LRP1B: variants seen among roughly 807,000 people sequenced by gnomAD.
LRP1B encodes the protein LDL receptor related protein 1B, also known as low-density lipoprotein receptor-related protein 1B.
A neutral mutation model predicts 556.6 loss-of-function variants in LRP1B; 217 were observed. That is an observed-to-expected ratio of 0.39 (90% CI 0.35 to 0.44). LRP1B has a LOEUF of 0.44. Ranked by LOEUF, LRP1B falls within the 20% of genes least tolerant of loss-of-function variation. The pLI, the probability that LRP1B is intolerant of heterozygous loss-of-function variation, is 1.00. For synonymous variants in LRP1B, 2,047 were observed against 1,865.8 expected (o/e 1.10, Z -2.50); for missense variants, 5,053 against 5,620.8 (o/e 0.90, Z 3.23).
At chr2:141,762,267 G>A (rs1275294295) in intron 2 of LRP1B, among the ~76,000 whole-genome samples, 2 of 151,678 alleles carry the variant, frequency 1.3e-5, no homozygotes, top group African/African-American at 4.8e-5. Flanking sequence ...ACCATAGGGA[G>A]CAGGGAAAAA....
At chr2:142,031,334 T>TTTTTTTTTTA (rs1553506175) in intron 1 of LRP1B, among the ~76,000 whole-genome samples, 2 of 121,594 alleles carry the variant, frequency 1.6e-5, no homozygotes, top group Non-Finnish European at 3.5e-5. Flanking sequence ...ATACTTATTT[T>TTTTTTTTTTA]TTTTTTTTTT....
chr2:140,726,527 G>A (rs575093870), intron 35 of LRP1B, among the ~76,000 whole-genome samples: 24 of 152,254 alleles, frequency 1.6e-4, no homozygotes, highest in East Asian at 1.4e-3. Flanking sequence ...ATTGAAAAAT[G>A]TGGGAGTGAT....
chr2:141,108,092 A>G (rs1700652903), intron 7 of LRP1B, among the ~76,000 whole-genome samples: 2 of 152,096 alleles, frequency 1.3e-5, no homozygotes, highest in South Asian at 4.1e-4. Context: ...GAAAGCTAGC[A>G]TTGATATTTA....
intron 7 of LRP1B, among the ~76,000 whole-genome samples, chr2:141,083,540 C>T (rs1372043317): frequency 6.6e-6 from 1 of 152,172 alleles, no homozygotes; most frequent in Non-Finnish European, 1.5e-5. Flanking sequence ...TTTGTCCCCT[C>T]TGAAACTCAT....
chr2:141,628,458 ATTC>A (rs1313188059), intron 2 of LRP1B, among the ~76,000 whole-genome samples: 1 of 152,052 alleles, frequency 6.6e-6, no homozygotes, highest in Non-Finnish European at 1.5e-5. Context: ...AAAAAAAAAA[ATTC>A]TTGATGGAAG....
chr2:140,421,211 C>T (rs778162718), intron 66 of LRP1B, among the ~76,000 whole-genome samples: 14 of 152,088 alleles, frequency 9.2e-5, no homozygotes, highest in Admixed American at 7.2e-4. Flanking sequence ...GCCAAGATTG[C>T]ACCACTGCAC....
chr2:141,153,520 C>A (rs1368781875), intron 7 of LRP1B, among the ~76,000 whole-genome samples: 2 of 115,866 alleles, frequency 1.7e-5, no homozygotes, highest in Non-Finnish European at 1.7e-5. Context: ...TATATATAAG[C>A]TATATATTTA....
At chr2:140,790,443 A>C (rs1690075918) in intron 32 of LRP1B, among the ~76,000 whole-genome samples, 1 of 152,236 alleles carries the variant, frequency 6.6e-6, no homozygotes, top group African/African-American at 2.4e-5. Context: ...TTTTCTCTTT[A>C]GTTTCATTTT....
In LRP1B at chr2:140,444,576, A is replaced by T. The variant is rs748486357; in HGVS notation, c.10161T>A (p.Asp3387Glu). Residue 3387 changes from aspartate (D) to glutamate (E), a missense_variant, in exon 64 of 91, where the codon GAT becomes GAA. Asp to Glu is a conservative substitution (Grantham distance 45). Coordinates refer to ENST00000389484, the MANE Select transcript of LRP1B (RefSeq NM_018557.3). ...DGENDCGDNS[D>E]ELNCDTHVCL... ...TTAATCACCTACCACAGTTGAGTTCATCAGAATTGTCTCCACAATCATTCT... is the reference window on the plus strand; with the variant it reads ...TTAATCACCTACCACAGTTGAGTTCTTCAGAATTGTCTCCACAATCATTCT... 4.3e-6 allele frequency: 7 copies of T among 1,613,610 alleles called. No homozygotes were observed. The African/African-American group carries it at 9.3e-5, about 22-fold the overall frequency.
In LRP1B at chr2:140,702,218, G is replaced by A. The variant is rs759756997; in HGVS notation, c.6225C>T (p.Arg2075=). The part of the protein sequence containing the change: ...ERIDLETGGN[R]EMVLSGSNVD... ...CATTGCTTCCTGACAGCACCATCTC[G>A]CGATTCCCTCCAGTCTCAAGGTCGA... Residue 2075 remains arginine (R), a synonymous_variant, in exon 39 of 91, where the codon CGC becomes CGT. Transcript: ENST00000389484. The A allele has an allele frequency of 5.6e-6, 9 of 1,613,526 alleles. No individual in the cohort carries two copies. The highest frequency in any genetic ancestry group is 1.6e-4 in the Middle Eastern group (1 of 6,080).
intron 7 of LRP1B, among the ~76,000 whole-genome samples, chr2:141,115,632 T>TGTGTGC (rs749029221): frequency 0.014 from 856 of 59,280 alleles, 3 homozygotes; most frequent in Non-Finnish European, 0.024. Context: ...AATTTGTGTG[T>TGTGTGC]GTGTGTGTGT....
At chr2:141,163,894 T>C (rs1680139872) in intron 7 of LRP1B, among the ~76,000 whole-genome samples, 2 of 152,110 alleles carry the variant, frequency 1.3e-5, no homozygotes, top group Admixed American at 1.3e-4. Context: ...GGGTAAACTA[T>C]ACCTCGGACC....
intron 2 of LRP1B, among the ~76,000 whole-genome samples, chr2:141,519,667 A>G (rs1684464625): frequency 6.6e-6 from 1 of 151,812 alleles, no homozygotes; most frequent in South Asian, 2.1e-4. Flanking sequence ...AAATCTTGAA[A>G]GCCAATGGCA....
chr2:141,200,195 C>G (rs1317970050), intron 6 of LRP1B, among the ~76,000 whole-genome samples: 2 of 152,218 alleles, frequency 1.3e-5, no homozygotes, highest in Non-Finnish European at 2.9e-5. Context: ...CACTGGTAGA[C>G]TAGATAAAGG....
intron 27 of LRP1B, among the ~76,000 whole-genome samples, chr2:140,862,482 A>G (rs1692828416): frequency 6.6e-6 from 1 of 152,166 alleles, no homozygotes; most frequent in African/African-American, 2.4e-5. Context: ...TTGGCCTTTC[A>G]CAGAATACAT....
chr2:140,584,571 A>T (rs1419320244), intron 43 of LRP1B, among the ~76,000 whole-genome samples: 1 of 152,160 alleles, frequency 6.6e-6, no homozygotes, highest in Non-Finnish European at 1.5e-5. Flanking sequence ...CATCAGTATC[A>T]GTATCTCATG....
rs145309535 is a variant in LRP1B, at chr2:141,680,603, C to A, written c.205+129676G>T. On this transcript the variant is annotated intron_variant, in intron 2 of 90. Coordinates refer to ENST00000389484, the MANE Select transcript of LRP1B (RefSeq NM_018557.3). ...GAAAAAATATTTTCAACTTAGGACTCTGTGACAAAATGAAAGTATGAGGCA... is the reference window on the plus strand; with the variant it reads ...GAAAAAATATTTTCAACTTAGGACTATGTGACAAAATGAAAGTATGAGGCA... Among the ~76,000 whole-genome samples the A allele has an allele frequency of 2.6e-5, 4 of 152,204 alleles. No individual in the cohort carries two copies. In the East Asian group the frequency reaches 7.7e-4, roughly 29 times the overall value.
At position 141,980,401 on chromosome 2, in the gene LRP1B, A is replaced by G. The variant is rs572274651; in HGVS notation, c.82+150247T>C. 3.9e-5 allele frequency among the ~76,000 whole-genome samples: 6 copies of G among 152,258 alleles called. No homozygotes were observed. In the South Asian group the frequency reaches 1.2e-3, roughly 32 times the overall value. ...AGTTATTATTGTCCTATTTTATACA[A>G]TGATATAAGAAAACCACAGATTTTC... On this transcript the variant is annotated intron_variant, in intron 1 of 90. Transcript: ENST00000389484.
At position 140,257,603 on chromosome 2, in the gene LRP1B, A is replaced by T. The variant is rs189941435; in HGVS notation, c.13248-10441T>A. Among the ~76,000 whole-genome samples the T allele has an allele frequency of 2.6e-4, 40 of 152,306 alleles. 1 individual carries two copies. Among genetic ancestry groups the T allele is most frequent in the Middle Eastern group, 3.4e-3 (1 of 294 alleles). On this transcript the variant is annotated intron_variant, in intron 86 of 90. Transcript: ENST00000389484. The stretch of plus-strand genomic sequence containing the variant: ...CCCGTGGCATGACTGGCATGGTGAA[A>T]GCTAAAGTAACCTACGACCTCTTAC...
Sources: allele counts gnomAD v4.1 joint callset (sites outside exome capture counted in the v4.1 genomes callset), GRCh38; gene constraint gnomAD v4.1.1; transcripts MANE v1.5; gene names NCBI Gene and HGNC (gene_info 2026-07-23, HGNC 2026-07-21).